NBPF14: variants seen among roughly 807,000 people sequenced by gnomAD.
The protein encoded by NBPF14 is NBPF family member NBPF14.
A neutral mutation model predicts 91.2 loss-of-function variants in NBPF14; 104 were observed. That is an observed-to-expected ratio of 1.14 (90% confidence interval 0.97 to 1.34). The LOEUF (loss-of-function observed/expected upper bound fraction) is 1.34. NBPF14 is among the 40% of genes most tolerant of loss of function. The probability of loss-of-function intolerance (pLI) is 0.00; values close to 1 mark genes in which losing one functional copy is unlikely to be tolerated. For missense variants in NBPF14, 908 were observed against 783.0 expected (o/e 1.16, Z -1.91); for synonymous variants, 294 against 303.8 (o/e 0.97, Z 0.34).
chr1:148,559,588 A>G (rs1336189118), intron 37 of NBPF14, among the ~76,000 whole-genome samples: 3 of 123,612 alleles, frequency 2.4e-5, no homozygotes, highest in African/African-American at 4.3e-5. Context: ...GCATGGCCTG[A>G]GACTAGGAAG....
chr1:148,572,557 T>G (rs1165551644), exon 21 of NBPF14: 1 of 658,894 alleles, frequency 1.5e-6, no homozygotes, highest in Admixed American at 2.1e-5. Context: ...GAATAACATC[T>G]ATCCAGTGAG....
intron 34 of NBPF14, among the ~76,000 whole-genome samples, chr1:148,561,810 C>A (rs1225181323): frequency 8.1e-5 from 11 of 136,608 alleles, no homozygotes; most frequent in Non-Finnish European, 1.3e-4. Context: ...CAAACACACA[C>A]ACACACACAG....
chr1:148,559,718 G>C (rs1293928385), intron 37 of NBPF14, 75 bp downstream of exon 37: 2 of 786,306 alleles, frequency 2.5e-6, no homozygotes, highest in Non-Finnish European at 4.2e-6. Flanking sequence ...CTCAGTAAGG[G>C]CCACTTGCAG....
chr1:148,572,814 AC>A (rs1659340367), intron 20 of NBPF14, among the ~76,000 whole-genome samples, 199 bp from the exon 21 acceptor site: 3 of 44,486 alleles, frequency 6.7e-5, no homozygotes, highest in Admixed American at 2.6e-4. Context: ...ACAGACAGAG[AC>A]AGAGACAGAG....
chr1:148,557,807 G>T (rs1211216985), intron 39 of NBPF14, among the ~76,000 whole-genome samples: 9 of 106,508 alleles, frequency 8.5e-5, no homozygotes, highest in Non-Finnish European at 1.1e-4. Context: ...ATGCTTTATT[G>T]TTCCCATCAG....
chr1:148,588,698 C>T (rs1237313093), intron 7 of NBPF14, among the ~76,000 whole-genome samples: 1 of 151,858 alleles, frequency 6.6e-6, no homozygotes. Context: ...GGAGTAGACT[C>T]CTCTTGAAGC....
In NBPF14 at chr1:148,578,184, A is replaced by T. The variant is rs1245362881; in HGVS notation, c.1802-150T>A. The T allele has an allele frequency of 9.1e-5, 67 of 737,468 alleles. 1 individual carries two copies. The South Asian group carries it at 9.7e-4, about 11-fold the overall frequency. The allele number at this position is 737,468 out of a possible 1,614,324, so 45.7% of individuals were successfully genotyped here. ...AAATATTCCAGTAGGCCTGAGGTCAAGTCTTGAGAAAACTGGCTTGTGTTC... is the reference window on the plus strand; with the variant it reads ...AAATATTCCAGTAGGCCTGAGGTCATGTCTTGAGAAAACTGGCTTGTGTTC... On this transcript the variant is annotated intron_variant, in intron 13 of 70. Coordinates refer to ENST00000619423, the Ensembl canonical transcript of NBPF14.
chr1:148,534,456 G>C (rs1421968531), intron 69 of NBPF14, among the ~76,000 whole-genome samples: 2 of 151,712 alleles, frequency 1.3e-5, no homozygotes, highest in Non-Finnish European at 2.9e-5. Flanking sequence ...AATAGGATCA[G>C]GGCGCCACAG....
intron 12 of NBPF14, among the ~76,000 whole-genome samples, chr1:148,581,564 C>T (rs1660948938): frequency 6.6e-6 from 1 of 151,654 alleles, no homozygotes; most frequent in African/African-American, 2.4e-5. Flanking sequence ...ATTTCATATC[C>T]AGCCAAACAA....
intron 39 of NBPF14, among the ~76,000 whole-genome samples, chr1:148,558,007 T>C (rs1254982178): frequency 7.2e-5 from 2 of 27,808 alleles, no homozygotes; most frequent in Admixed American, 4.9e-4. Flanking sequence ...GGGTCCAATG[T>C]GCTGAGAGCG....
rs1654707565 is a variant in NBPF14 at position 148,534,677 on chromosome 1, T to A, written c.8614+7A>T. 2 of 799,904 alleles carry A rather than the reference T, an allele frequency of 2.5e-6. No individual in the cohort carries two copies. Among genetic ancestry groups the A allele is most frequent in the Non-Finnish European group, 4.5e-6 (2 of 445,184 alleles). The allele number at this position is 799,904 out of a possible 1,614,324, so 49.6% of individuals were successfully genotyped here. On this transcript the variant is annotated splice_region_variant and intron_variant, in intron 69 of 70. Transcript: ENST00000619423. ...GAGGCTTATCACCTTCATAGTAAGG[T>A]ACTCACTGTCCACGTCAAGAGCCAA...
At position 148,591,331 on chromosome 1, in the gene NBPF14, A is replaced by T. The variant is rs1420745923; in HGVS notation, c.566+101T>A. 1.7e-3 allele frequency: 2,431 copies of T among 1,450,738 alleles called. 66 individuals carry two copies. The highest frequency in any genetic ancestry group is 3.5e-3 in the Admixed American group (206 of 59,152). The allele number at this position is 1,450,738 out of a possible 1,614,324, so 89.9% of individuals were successfully genotyped here. A position where few individuals can be genotyped will look rare whatever the true frequency, so the allele number is the denominator to read the frequency against. Reference sequence around the variant, plus strand: ...GAATTTCACATACTGTGGCCAAGGGAATGCGGGCATTTGGCCCATCATAGA... The same window carrying T: ...GAATTTCACATACTGTGGCCAAGGGTATGCGGGCATTTGGCCCATCATAGA... On this transcript the variant is annotated intron_variant, in intron 5 of 70. Transcript: ENST00000619423.
chr1:148,577,292 A>G (rs1475923958), exon 15 of NBPF14: 1 of 616,552 alleles, frequency 1.6e-6, no homozygotes, highest in Admixed American at 2.7e-5. Flanking sequence ...GAGTTGAATA[A>G]CATCTATCCA....
At chr1:148,575,884 G>A (rs1659602688) in intron 16 of NBPF14, 73 bp from the exon 17 acceptor site, 1 of 282,638 alleles carries the variant, frequency 3.5e-6, no homozygotes, top group Non-Finnish European at 6.2e-6. Context: ...TAGATTTCAT[G>A]GCTAACATAA....
At chr1:148,579,572 TA>T (rs1660575521) in intron 12 of NBPF14, among the ~76,000 whole-genome samples, 1 of 122,906 alleles carries the variant, frequency 8.1e-6, no homozygotes, top group Non-Finnish European at 1.7e-5. Flanking sequence ...GGTTGAATTT[TA>T]CATGCAGCAT....
intron 69 of NBPF14, 89 bp downstream of exon 69, chr1:148,534,595 C>G (rs1178560140): frequency 4.6e-6 from 4 of 875,930 alleles, no homozygotes; most frequent in Admixed American, 3.4e-5. Flanking sequence ...TGACATCTCT[C>G]GGGTGAGTAA....
intron 36 of NBPF14, among the ~76,000 whole-genome samples, chr1:148,560,248 A>G (rs1657574666): frequency 6.7e-6 from 1 of 149,234 alleles, no homozygotes; most frequent in South Asian, 2.1e-4. Context: ...AGGGAGTCAA[A>G]GGACACTCTG....
exon 13 of NBPF14, chr1:148,579,181 T>A: frequency 9.1e-6 from 4 of 439,748 alleles, no homozygotes; most frequent in Non-Finnish European, 1.2e-5. Flanking sequence ...GAGAGTCGAA[T>A]AACCTTCATC....
At position 148,595,573 on chromosome 1, in the gene NBPF14, C is replaced by T. The variant is rs1253427207; in HGVS notation, c.145G>A (p.Gly49Ser). The change falls in exon 2 of 71, where the codon GGC (glycine) becomes AGC (serine). Residue 49 changes from glycine to serine, a missense_variant. By Grantham distance (56) the Gly-to-Ser change is moderately conservative. Coordinates refer to ENST00000619423, the Ensembl canonical transcript of NBPF14. ...TTCTTCTGTTGGTTGGCCAGGAAGC[C>T]GGCCAGTTGAGTTAGAAAACATTTC... The T allele has an allele frequency of 5.8e-5, 92 of 1,582,918 alleles. 9 individuals carry two copies. Among genetic ancestry groups the T allele is most frequent in the Middle Eastern group, 4.4e-4 (2 of 4,520 alleles).
Sources: allele counts gnomAD v4.1 joint callset (sites outside exome capture counted in the v4.1 genomes callset), GRCh38; gene constraint gnomAD v4.1.1; transcripts MANE v1.5; gene names NCBI Gene and HGNC (gene_info 2026-07-23, HGNC 2026-07-21).